The following NEDD4L variants were observed in gnomAD, a reference collection of about 807,000 sequenced individuals.
NEDD4L encodes the protein E3 ubiquitin-protein ligase NEDD4-like.
In NEDD4L, 54 loss-of-function variants were observed where a neutral mutation model predicts 148.9. The ratio of observed to expected loss-of-function variants is 0.36; its 90% confidence interval spans 0.29 to 0.45. The LOEUF is 0.45. Ranked by LOEUF, NEDD4L falls within the 20% of genes least tolerant of loss-of-function variation. NEDD4L has a pLI of 1.00. For missense variants in NEDD4L, 856 were observed against 1,233.8 expected (o/e 0.69, Z 4.59); for synonymous variants, 433 against 440.7 (o/e 0.98, Z 0.22).
intron 2 of NEDD4L, among the ~76,000 whole-genome samples, chr18:58,177,388 A>G (rs2038295723): frequency 6.6e-6 from 1 of 152,238 alleles, no homozygotes; most frequent in Non-Finnish European, 1.5e-5. Context: ...ATATTTATTT[A>G]ACAAAAATTG....
intron 13 of NEDD4L, 21 bp downstream of exon 13, chr18:58,335,558 A>G (rs2144906630): frequency 6.3e-7 from 1 of 1,591,984 alleles, no homozygotes; most frequent in African/African-American, 1.3e-5. Context: ...ACTTTATCAG[A>G]CATCAATAGC....
intron 5 of NEDD4L, among the ~76,000 whole-genome samples, chr18:58,308,085 AAT>A (rs2057270726): frequency 6.6e-6 from 1 of 152,238 alleles, no homozygotes; most frequent in African/African-American, 2.4e-5. Context: ...AAAATTAAAC[AAT>A]ATTATATTAA....
chr18:58,341,910 T>G, intron 15 of NEDD4L, 113 bp downstream of exon 15: 1 of 1,251,412 alleles, frequency 8.0e-7, no homozygotes, highest in Non-Finnish European at 1.1e-6. Flanking sequence ...TGATCAGTCG[T>G]TGTGTTGGTA....
intron 1 of NEDD4L, among the ~76,000 whole-genome samples, chr18:58,112,403 TA>T (rs1466980111): frequency 7.1e-6 from 1 of 141,516 alleles, no homozygotes; most frequent in Non-Finnish European, 1.5e-5. Context: ...TTTATTTATT[TA>T]TTTATTTTTG....
chr18:58,137,266 C>A (rs1197622583), intron 1 of NEDD4L, among the ~76,000 whole-genome samples: 2 of 152,182 alleles, frequency 1.3e-5, no homozygotes, highest in African/African-American at 2.4e-5. Context: ...CAGACAAAAA[C>A]CATATTGTAA....
rs1191742764 is a variant in NEDD4L at position 58,256,094 on chromosome 18, G to A, written c.297+4040G>A. 4.7e-5 allele frequency: 58 copies of A among 1,227,562 alleles called. No homozygotes were observed. Among genetic ancestry groups the A allele is most frequent in the Non-Finnish European group, 5.8e-5 (57 of 985,420 alleles). 76.0% of individuals were successfully genotyped at this position (1,227,562 alleles called of 1,614,324 possible). On this transcript the variant is annotated intron_variant, in intron 5 of 30. Coordinates refer to ENST00000400345, the MANE Select transcript of NEDD4L (RefSeq NM_001144967.3). This position sits in a 1 kb window ranked among gnomAD's most constrained non-coding sequence, Gnocchi z 5.2. The stretch of plus-strand genomic sequence containing the variant: ...GGAGCCCTCGCCGAGGGACACCCCC[G>A]GGAGCTCCCCTCCGAGGGCAGCCCG...
In NEDD4L at chr18:58,349,632, A is replaced by G; in HGVS notation, c.1653+18A>G. ...CCCTTCCTGTGAGTACACTGGAGAC[A>G]CATGGAATGGTCTGAATATGTGTGT... On this transcript the variant is annotated intron_variant, in intron 17 of 30. Transcript: ENST00000400345. The G allele has an allele frequency of 1.3e-6, 2 of 1,580,368 alleles. No homozygotes were observed. Among genetic ancestry groups the G allele is most frequent in the South Asian group, 1.1e-5 (1 of 90,378 alleles).
intron 1 of NEDD4L, among the ~76,000 whole-genome samples, chr18:58,084,476 G>A (rs773512248): frequency 1.3e-5 from 2 of 152,170 alleles, no homozygotes; most frequent in Non-Finnish European, 2.9e-5. Context: ...GGGTGGTGGT[G>A]TGTTAGTTTT....
chr18:58,167,344 C>G (rs768687944), intron 2 of NEDD4L, among the ~76,000 whole-genome samples: 1 of 152,224 alleles, frequency 6.6e-6, no homozygotes, highest in East Asian at 1.9e-4. Flanking sequence ...CTTCTCTTCC[C>G]TTTCAGAGCA....
intron 5 of NEDD4L, among the ~76,000 whole-genome samples, chr18:58,282,146 TC>T (rs1272264383): frequency 6.6e-6 from 1 of 151,238 alleles, no homozygotes; most frequent in Non-Finnish European, 1.5e-5. Flanking sequence ...GGCAAAGGTC[TC>T]TCTGAGTTTC....
chr18:58,172,550 T>A (rs997562430), intron 2 of NEDD4L, among the ~76,000 whole-genome samples: 1 of 152,198 alleles, frequency 6.6e-6, no homozygotes, highest in Non-Finnish European at 1.5e-5. Flanking sequence ...CTGTTGTTCT[T>A]TTTGCAGATA....
chr18:58,242,829 C>A (rs994475085), intron 2 of NEDD4L, among the ~76,000 whole-genome samples: 5 of 152,184 alleles, frequency 3.3e-5, no homozygotes, highest in Non-Finnish European at 7.3e-5. Context: ...GAGCTTACAT[C>A]CTACTGTCCT....
At chr18:58,056,814 C>G (rs2082104981) in intron 1 of NEDD4L, among the ~76,000 whole-genome samples, 1 of 151,008 alleles carries the variant, frequency 6.6e-6, no homozygotes, top group South Asian at 2.1e-4. Context: ...CTCCTGACCT[C>G]AAGTGATCCA....
chr18:58,333,394 G>A (rs1290964567), intron 11 of NEDD4L, among the ~76,000 whole-genome samples: 2 of 151,894 alleles, frequency 1.3e-5, no homozygotes, highest in African/African-American at 4.8e-5. Flanking sequence ...TTCAATTGTA[G>A]TAATCAATAA....
At chr18:58,312,758 G>T (rs566735853) in intron 5 of NEDD4L, among the ~76,000 whole-genome samples, 16 of 152,332 alleles carry the variant, frequency 1.1e-4, no homozygotes, top group African/African-American at 3.6e-4. Context: ...TCAACTCACT[G>T]CAACCTCCGC....
At position 58,335,250 on chromosome 18, in the gene NEDD4L, C is replaced by A. The variant is rs189103155; in HGVS notation, c.1066-228C>A. On this transcript the variant is annotated intron_variant, in intron 12 of 30. Coordinates refer to ENST00000400345, the MANE Select transcript of NEDD4L (RefSeq NM_001144967.3). ...AGGCAGCTCACTCTTTTGAGGTTGT[C>A]ATTGTTTACCCAGGTCAAGGATGAG... Among the ~76,000 whole-genome samples the A allele has an allele frequency of 1.3e-4, 20 of 152,314 alleles. No individual in the cohort carries two copies. In the East Asian group the frequency reaches 3.5e-3, roughly 26 times the overall value.
At chr18:58,221,287 A>G (rs1032677176) in intron 2 of NEDD4L, among the ~76,000 whole-genome samples, 2 of 152,114 alleles carry the variant, frequency 1.3e-5, no homozygotes. Flanking sequence ...GCCCCGCCAG[A>G]CATAGAGTCA....
At position 58,330,862 on chromosome 18, in the gene NEDD4L, G is replaced by T; in HGVS notation, c.938G>T (p.Arg313Ile). The T allele has an allele frequency of 6.2e-7, 1 of 1,614,006 alleles. No individual in the cohort carries two copies. Among genetic ancestry groups the T allele is most frequent in the Non-Finnish European group, 8.5e-7 (1 of 1,179,876 alleles). ...SPQELSEELS[R>I]RLQITPDSNG... is the part of the protein sequence containing the mutation. Reference sequence around the variant, plus strand: ...CAGGAGCTGTCAGAGGAACTAAGCAGAAGGCTTCAGATCACTCCAGACTCC... The same window carrying T: ...CAGGAGCTGTCAGAGGAACTAAGCATAAGGCTTCAGATCACTCCAGACTCC... Residue 313 changes from arginine to isoleucine, a missense_variant, in exon 11 of 31, where the codon AGA (arginine) becomes ATA (isoleucine). By Grantham distance (97) the Arg-to-Ile change is moderately conservative. Around this residue, in one of 4 missense-constraint regions of NEDD4L, gnomAD observed 367 missense variants for 422.7 expected, o/e 0.87. Coordinates refer to ENST00000400345, the MANE Select transcript of NEDD4L (RefSeq NM_001144967.3).
At chr18:58,348,420 T>G (rs28591615) in intron 16 of NEDD4L, among the ~76,000 whole-genome samples, 1 of 144,170 alleles carries the variant, frequency 6.9e-6, no homozygotes, top group Non-Finnish European at 1.5e-5. Context: ...CAACCTCTAC[T>G]TTCCGGGTTC....
Sources: allele counts gnomAD v4.1 joint callset (sites outside exome capture counted in the v4.1 genomes callset), GRCh38; gene constraint gnomAD v4.1.1; regional missense constraint gnomAD v4.1.1; non-coding constraint Gnocchi (gnomAD v3.1); transcripts MANE v1.5; gene names NCBI Gene and HGNC (gene_info 2026-07-23, HGNC 2026-07-21).